Variants in TMEM17 observed in about 807,000 individuals in gnomAD.
TMEM17 encodes the protein transmembrane protein 17.
In TMEM17, 15 loss-of-function variants were observed where a neutral mutation model predicts 19.1. That is an observed-to-expected ratio of 0.78 (90% CI 0.52 to 1.21). The LOEUF (loss-of-function observed/expected upper bound fraction) is 1.21. Ranked by LOEUF, TMEM17 falls within the 50% of genes most tolerant of loss-of-function variation. The pLI is 0.00. For missense variants in TMEM17, 245 were observed against 242.3 expected (o/e 1.01, Z -0.07); for synonymous variants, 103 against 86.9 (o/e 1.19, Z -1.03).
chr2:62,492,691 T>C, the TMEM17 span, among the ~76,000 whole-genome samples: 1 of 152,262 alleles, frequency 6.6e-6, no homozygotes, highest in Non-Finnish European at 1.5e-5. Context: ...TCATATGCAC[T>C]GGAGATATCA....
the TMEM17 span, among the ~76,000 whole-genome samples, chr2:62,462,861 T>C: frequency 2.0e-5 from 3 of 152,318 alleles, no homozygotes; most frequent in Middle Eastern, 3.4e-3. Flanking sequence ...TTCCCACTCG[T>C]TATCCAGCTG....
In TMEM17 at chr2:62,506,124, C is replaced by G. The variant is rs751459179; in HGVS notation, c.6G>C (p.Glu2Asp). 3.1e-6 allele frequency: 5 copies of G among 1,608,674 alleles called. No individual in the cohort carries two copies. The East Asian group carries it at 1.1e-4, about 36-fold the overall frequency. ...GCCGCTGGCGCACCGGATCCGGCAG[C>G]TCCATGCCTGGGCCTCAGTATCCCT... MELPDPVRQRLG... is the reference protein window; with the variant it reads MDLPDPVRQRLG... The change falls in exon 1 of 4, where the codon GAG (glutamate) becomes GAC (aspartate). Residue 2 changes from glutamate (E) to aspartate (D), a missense_variant. Physicochemically the swap from Glu to Asp is conservative, Grantham distance 45. Coordinates refer to ENST00000335390, the MANE Select transcript of TMEM17 (RefSeq NM_198276.3).
At chr2:62,469,975 C>T in the TMEM17 span, among the ~76,000 whole-genome samples, 3 of 152,312 alleles carry the variant, frequency 2.0e-5, no homozygotes, top group Middle Eastern at 3.4e-3. Flanking sequence ...GCCTTTGTAT[C>T]CCCATGTTCC....
chr2:62,501,006 T>C lies in TMEM17; in HGVS notation c.*203A>G, dbSNP rs1679912360. 4.5e-6 allele frequency: 2 copies of C among 447,448 alleles called. No homozygotes were observed. The highest frequency in any genetic ancestry group is 2.0e-5 in the African/African-American group (1 of 49,720). 27.7% of individuals were successfully genotyped at this position (447,448 alleles called of 1,614,324 possible). A position where few individuals can be genotyped will look rare whatever the true frequency, so the allele number is the denominator to read the frequency against. ...AAAAATTAAGAAATTTGGCATCAGGTGGACAACATCTAGGTTTTAGGGTTA... is the reference window on the plus strand; with the variant it reads ...AAAAATTAAGAAATTTGGCATCAGGCGGACAACATCTAGGTTTTAGGGTTA... On this transcript the variant is annotated 3_prime_UTR_variant, in exon 4 of 4. Coordinates refer to ENST00000335390, the MANE Select transcript of TMEM17 (RefSeq NM_198276.3).
At chr2:62,459,850 G>A in the TMEM17 span, among the ~76,000 whole-genome samples, 1 of 152,230 alleles carries the variant, frequency 6.6e-6, no homozygotes, top group African/African-American at 2.4e-5. Flanking sequence ...ATAGCACACT[G>A]TAGCCTCTAA....
At chr2:62,465,566 A>G in the TMEM17 span, among the ~76,000 whole-genome samples, 7 of 151,508 alleles carry the variant, frequency 4.6e-5, no homozygotes, top group Non-Finnish European at 1.0e-4. Context: ...TGAGCTCAGG[A>G]TGGGCAGCAT....
chr2:62,492,624 A>G, the TMEM17 span, among the ~76,000 whole-genome samples: 10 of 152,260 alleles, frequency 6.6e-5, no homozygotes, highest in Non-Finnish European at 1.2e-4. Context: ...AGTTCTAACA[A>G]CTTGCTTATT....
chr2:62,494,276 C>A, the TMEM17 span, among the ~76,000 whole-genome samples: 1 of 152,170 alleles, frequency 6.6e-6, no homozygotes, highest in African/African-American at 2.4e-5. Flanking sequence ...AAGTACTGAA[C>A]AATCAACAGT....
the TMEM17 span, among the ~76,000 whole-genome samples, chr2:62,480,874 C>A: frequency 6.6e-6 from 1 of 152,098 alleles, no homozygotes; most frequent in Admixed American, 6.5e-5. Flanking sequence ...TTGAGGATTA[C>A]TTTTCCCTGA....
At chr2:62,456,705 G>C in the TMEM17 span, among the ~76,000 whole-genome samples, 1 of 152,234 alleles carries the variant, frequency 6.6e-6, no homozygotes, top group African/African-American at 2.4e-5. Flanking sequence ...GGGTTGGCTG[G>C]TCTTGAGGAA....
chr2:62,480,415 T>C, the TMEM17 span, among the ~76,000 whole-genome samples: 1 of 152,244 alleles, frequency 6.6e-6, no homozygotes, highest in Non-Finnish European at 1.5e-5. Context: ...CCTTTTCAAC[T>C]TGATGTGATC....
the TMEM17 span, among the ~76,000 whole-genome samples, chr2:62,490,751 A>G: frequency 6.8e-4 from 103 of 152,168 alleles, 2 homozygotes; most frequent in Admixed American, 6.6e-3. Flanking sequence ...AGAGAAACAG[A>G]AAAGTATGTG....
At chr2:62,471,526 C>G in the TMEM17 span, among the ~76,000 whole-genome samples, 5 of 152,282 alleles carry the variant, frequency 3.3e-5, no homozygotes, top group African/African-American at 1.2e-4. Flanking sequence ...CTAAAATGGT[C>G]AGAGATTGCT....
downstream of TMEM17, among the ~76,000 whole-genome samples, chr2:62,495,806 T>A (rs1679763048): frequency 6.6e-6 from 1 of 152,238 alleles, no homozygotes; most frequent in Admixed American, 6.5e-5. Context: ...TTCTTGGCTA[T>A]GTTTCCAATC....
At chr2:62,488,865 G>T in the TMEM17 span, among the ~76,000 whole-genome samples, 1 of 147,844 alleles carries the variant, frequency 6.8e-6, no homozygotes, top group Admixed American at 6.8e-5. Flanking sequence ...CTGCTTAGGG[G>T]TCAGATTTAA....
At chr2:62,464,913 A>G in the TMEM17 span, among the ~76,000 whole-genome samples, 7 of 152,298 alleles carry the variant, frequency 4.6e-5, no homozygotes, top group African/African-American at 1.7e-4. Context: ...CATCAAGGGC[A>G]GGGTCTGCAA....
chr2:62,478,353 T>C, the TMEM17 span, among the ~76,000 whole-genome samples: 1 of 152,176 alleles, frequency 6.6e-6, no homozygotes, highest in Non-Finnish European at 1.5e-5. Context: ...GGGAGCAACA[T>C]GTACTGCTTT....
the TMEM17 span, among the ~76,000 whole-genome samples, chr2:62,469,516 A>G: frequency 6.6e-6 from 1 of 152,368 alleles, no homozygotes; most frequent in African/African-American, 2.4e-5. Flanking sequence ...GTGTTGCCAA[A>G]TTAGGATTTC....
At chr2:62,498,722 AAAATAAAAT>A (rs1558720934), downstream of TMEM17, among the ~76,000 whole-genome samples, 8 of 77,572 alleles carry the variant, frequency 1.0e-4, no homozygotes, top group Middle Eastern at 5.7e-3. Context: ...TCTCAAAAAT[AAAATAAAAT>A]AAAATAAAAT....
Sources: allele counts gnomAD v4.1 joint callset (sites outside exome capture counted in the v4.1 genomes callset), GRCh38; gene constraint gnomAD v4.1.1; transcripts MANE v1.5; gene names NCBI Gene and HGNC (gene_info 2026-07-23, HGNC 2026-07-21).